MAP3K14: variants seen among roughly 807,000 people sequenced by gnomAD.
The protein encoded by MAP3K14 is NF-kappa-beta-inducing kinase.
In MAP3K14, 16 loss-of-function variants were observed where a neutral mutation model predicts 99.2. The observed-to-expected ratio is 0.16, with a 90% CI of 0.11 to 0.24. MAP3K14 has a LOEUF of 0.24. Among genes scored for constraint, MAP3K14 ranks in the 10% least tolerant of loss-of-function variants. The pLI is 1.00. For synonymous variants in MAP3K14, 462 were observed against 492.4 expected (o/e 0.94, Z 0.82); for missense variants, 784 against 1,208.7 (o/e 0.65, Z 5.21).
At chr17:45,305,557 G>A (rs2044424735) in intron 1 of MAP3K14, among the ~76,000 whole-genome samples, 1 of 152,028 alleles carries the variant, frequency 6.6e-6, no homozygotes, top group Admixed American at 6.6e-5. Flanking sequence ...CACCACGCAT[G>A]GCTAATTTCA....
chr17:45,282,314 A>AC lies in MAP3K14; in HGVS notation c.1290+2497dup, dbSNP rs763604209. Among the ~76,000 whole-genome samples, 298 of 152,084 alleles carry AC rather than the reference A, an allele frequency of 2.0e-3. 1 individual carries two copies. The highest frequency in any genetic ancestry group is 3.4e-3 in the Non-Finnish European group (228 of 67,972). On this transcript the variant is annotated intron_variant, in intron 6 of 15. Transcript: ENST00000344686. ...ATCCTGGTGGGGCACAGTGGCTCAC[A>AC]CCTGTAATCCCAGCACTTTGGGAGG...
chr17:45,299,821 G>A (rs1331634987), intron 1 of MAP3K14, among the ~76,000 whole-genome samples: 1 of 152,198 alleles, frequency 6.6e-6, no homozygotes, highest in Non-Finnish European at 1.5e-5. Flanking sequence ...CAGGCATGGT[G>A]GCTCACGCCT....
rs1381437555 is a variant in MAP3K14 at position 45,267,773 on chromosome 17, A to C, written c.1973-14T>G. On this transcript the variant is annotated splice_polypyrimidine_tract_variant and intron_variant, in intron 11 of 15. Transcript: ENST00000344686. This position sits in a 1 kb window ranked among gnomAD's most constrained non-coding sequence, Gnocchi z 5.1. ...TCAGACCTCCCACTAGAAAACAGAG[A>C]GTACAATGGTGAGGGGAAGCGTGCT... The C allele has an allele frequency of 1.3e-6, 2 of 1,597,870 alleles. No homozygotes were observed. Among genetic ancestry groups the C allele is most frequent in the Non-Finnish European group, 1.7e-6 (2 of 1,175,002 alleles).
At chr17:45,308,706 C>T (rs557445801) in intron 1 of MAP3K14, among the ~76,000 whole-genome samples, 29 of 150,242 alleles carry the variant, frequency 1.9e-4, no homozygotes, top group African/African-American at 6.6e-4. Flanking sequence ...CTTGCTCTGT[C>T]GCCCAGGCTG....
chr17:45,289,939 A>G (rs553941385), intron 2 of MAP3K14, among the ~76,000 whole-genome samples: 8 of 152,330 alleles, frequency 5.3e-5, no homozygotes, highest in African/African-American at 1.9e-4. Context: ...TCTGTCTCCA[A>G]GGGAAGCCAC....
At chr17:45,316,782 G>A (rs1157538544) in intron 1 of MAP3K14, among the ~76,000 whole-genome samples, 178 bp downstream of exon 1, 1 of 151,736 alleles carries the variant, frequency 6.6e-6, no homozygotes, top group African/African-American at 2.4e-5. Context: ...GGGCGCGCCC[G>A]CGGACCGCTG....
At chr17:45,270,971 CACCG>C (rs1179237530) in intron 10 of MAP3K14, 83 bp downstream of exon 10, 1 of 1,514,210 alleles carries the variant, frequency 6.6e-7, no homozygotes, top group East Asian at 2.4e-5. Context: ...CTCCATCTGC[CACCG>C]CAGAGCAGCC....
At chr17:45,283,204 T>C (rs1337081258) in intron 6 of MAP3K14, among the ~76,000 whole-genome samples, 5 of 152,144 alleles carry the variant, frequency 3.3e-5, no homozygotes, top group Non-Finnish European at 7.4e-5. Flanking sequence ...GCGCGTCTCT[T>C]CACACTCTCA....
intron 1 of MAP3K14, among the ~76,000 whole-genome samples, chr17:45,301,367 G>A (rs542441194): frequency 5.7e-4 from 87 of 152,230 alleles, no homozygotes; most frequent in African/African-American, 2.0e-3. Context: ...GGAGACTGAG[G>A]CAGGAGAATC....
chr17:45,292,072 G>C (rs563488149), intron 1 of MAP3K14, among the ~76,000 whole-genome samples: 1 of 152,356 alleles, frequency 6.6e-6, no homozygotes, highest in Non-Finnish European at 1.5e-5. Context: ...GCTATGAAAG[G>C]CTCTGCCAGC....
At chr17:45,273,342 C>T (rs372170457) in intron 9 of MAP3K14, among the ~76,000 whole-genome samples, 161 bp downstream of exon 9, 2 of 152,324 alleles carry the variant, frequency 1.3e-5, no homozygotes, top group East Asian at 3.9e-4. Context: ...ATCACATTTA[C>T]GCGTAACAAA....
chr17:45,273,147 G>A (rs9911183), intron 9 of MAP3K14, among the ~76,000 whole-genome samples: 29,312 of 152,118 alleles, frequency 0.19, 3,419 homozygotes, highest in African/African-American at 0.33. Context: ...CCAGCCAACC[G>A]TGCTCAGAGG....
At chr17:45,271,816 G>A (rs897336471) in intron 9 of MAP3K14, among the ~76,000 whole-genome samples, 6 of 152,140 alleles carry the variant, frequency 3.9e-5, no homozygotes, top group African/African-American at 1.4e-4. Flanking sequence ...GCAGGGGCTG[G>A]ACATTACAAA....
intron 1 of MAP3K14, among the ~76,000 whole-genome samples, chr17:45,295,503 T>A (rs566337425): frequency 1.8e-4 from 28 of 152,306 alleles, no homozygotes; most frequent in African/African-American, 6.5e-4. Context: ...CTGTCAGGAT[T>A]CTTTGAGGGC....
rs752415163 is a variant in MAP3K14 at position 45,286,968 on chromosome 17, A to G, written c.615T>C (p.Leu205=). The change falls in exon 5 of 16, where the codon CTT becomes CTC. Residue 205 remains leucine, a synonymous_variant. Transcript: ENST00000344686. The surrounding 1 kb of genome is among the most constrained non-coding windows in gnomAD (Gnocchi z 4.1). ...QFTKPLKEPG[L]GQLCFKQLGE... The stretch of plus-strand genomic sequence containing the variant: ...CAAGCTGCTTAAAACAGAGTTGCCC[A>G]AGGCCTGGTTCCTTCAGAGGCTTGG... 6.2e-7 allele frequency: 1 copy of G among 1,614,022 alleles called. No homozygotes were observed. The highest frequency in any genetic ancestry group is 1.1e-5 in the South Asian group (1 of 91,092).
At chr17:45,301,214 A>G (rs1329713962) in intron 1 of MAP3K14, among the ~76,000 whole-genome samples, 2 of 151,892 alleles carry the variant, frequency 1.3e-5, no homozygotes, top group Non-Finnish European at 2.9e-5. Context: ...CTGTAATCCC[A>G]ACACTTTGGG....
chr17:45,298,615 G>C (rs375301971), intron 1 of MAP3K14, among the ~76,000 whole-genome samples: 124 of 152,336 alleles, frequency 8.1e-4, no homozygotes, highest in African/African-American at 2.7e-3. Flanking sequence ...CAAATCCAAT[G>C]ACTGGAGGCA....
At chr17:45,311,063 G>A (rs2044474033) in intron 1 of MAP3K14, among the ~76,000 whole-genome samples, 1 of 152,176 alleles carries the variant, frequency 6.6e-6, no homozygotes, top group African/African-American at 2.4e-5. Context: ...TGGCAGCAGA[G>A]TACAGTGAAG....
chr17:45,285,087 G>A, intron 5 of MAP3K14, 138 bp from the exon 6 acceptor site: 2 of 889,242 alleles, frequency 2.2e-6, no homozygotes, highest in East Asian at 5.4e-5. Context: ...GCAGCCCTGG[G>A]GCGAAGGCAG....
Sources: gnomAD v4.1 joint callset for allele counts (sites outside exome capture counted in the v4.1 genomes callset) on GRCh38, gnomAD v4.1.1 for gene constraint, Gnocchi (gnomAD v3.1) non-coding constraint, MANE v1.5 for transcripts, NCBI Gene and HGNC (gene_info 2026-07-23, HGNC 2026-07-21) for gene names.